Variants in PTK2 observed in about 807,000 individuals in gnomAD.
PTK2 encodes focal adhesion kinase 1.
In PTK2, 45 loss-of-function variants were observed where a neutral mutation model predicts 150.1. That is an observed-to-expected ratio of 0.30 (90% CI 0.24 to 0.38). PTK2 has a LOEUF of 0.38. Among genes scored for constraint, PTK2 ranks in the 10% least tolerant of loss-of-function variants. The pLI is 1.00. For missense variants in PTK2, 919 were observed against 1,307.3 expected (o/e 0.70, Z 4.58); for synonymous variants, 432 against 449.2 (o/e 0.96, Z 0.48).
At chr8:140,907,499 T>C (rs951649248) in intron 2 of PTK2, among the ~76,000 whole-genome samples, 12 of 152,176 alleles carry the variant, frequency 7.9e-5, no homozygotes, top group Admixed American at 3.3e-4. Context: ...TAGCCCTGTA[T>C]AATTTGCCTT....
At chr8:140,665,556 G>C (rs1173132459) in intron 30 of PTK2, among the ~76,000 whole-genome samples, 1 of 151,954 alleles carries the variant, frequency 6.6e-6, no homozygotes, top group Non-Finnish European at 1.5e-5. Flanking sequence ...TGCCACTTCC[G>C]AGTTGCAGCA....
chr8:140,675,335 T>C (rs2100013012), intron 28 of PTK2, 125 bp downstream of exon 31: 2 of 993,000 alleles, frequency 2.0e-6, no homozygotes, highest in African/African-American at 1.6e-5. Flanking sequence ...ACATCGTACT[T>C]GCTGTGGTCT....
At chr8:140,747,244 C>T (rs2100059525) in intron 17 of PTK2, 1 of 185,946 alleles carries the variant, frequency 5.4e-6, no homozygotes, top group Non-Finnish European at 1.1e-5. Flanking sequence ...TCAATTAAGA[C>T]ATAAGGCTGG....
intron 1 of PTK2, among the ~76,000 whole-genome samples, chr8:140,929,499 T>C (rs977592909): frequency 6.6e-6 from 1 of 152,148 alleles, no homozygotes; most frequent in African/African-American, 2.4e-5. Context: ...GTGTGTGTGT[T>C]TTAAAATGTG....
intron 2 of PTK2, among the ~76,000 whole-genome samples, chr8:140,902,532 CACACT>C (rs1307646065): frequency 2.6e-5 from 4 of 152,142 alleles, no homozygotes; most frequent in Non-Finnish European, 4.4e-5. Context: ...GAGGAATTGC[CACACT>C]GTCTTCCACA....
intron 31 of PTK2, among the ~76,000 whole-genome samples, chr8:140,660,910 T>C (rs2078821492): frequency 6.6e-6 from 1 of 152,232 alleles, no homozygotes; most frequent in African/African-American, 2.4e-5. Flanking sequence ...GCACCTATTA[T>C]GTACGAGACA....
intron 5 of PTK2, among the ~76,000 whole-genome samples, chr8:140,858,418 C>A (rs2100134075): frequency 1.5e-5 from 2 of 137,342 alleles, no homozygotes; most frequent in African/African-American, 5.5e-5. Flanking sequence ...ACAGATCAAG[C>A]AAGGGCAGAA....
intron 8 of PTK2, 149 bp from the exon 9 acceptor site, chr8:140,819,169 A>G (rs2154601805): frequency 1.2e-6 from 1 of 801,854 alleles, no homozygotes; most frequent in East Asian, 2.9e-5. Context: ...ATAACTATAA[A>G]TGTATTTATC....
At chr8:140,887,400 A>G (rs561091334) in intron 3 of PTK2, among the ~76,000 whole-genome samples, 4 of 152,352 alleles carry the variant, frequency 2.6e-5, no homozygotes, top group African/African-American at 9.6e-5. Flanking sequence ...TTTTGCCTAT[A>G]AACTGTGAAA....
At chr8:140,702,444 C>T in intron 25 of PTK2, 126 bp downstream of exon 28, 2 of 1,254,640 alleles carry the variant, frequency 1.6e-6, no homozygotes, top group Non-Finnish European at 2.2e-6. Context: ...GTTTCAAACT[C>T]TGGGGCTCAA....
upstream of PTK2, chr8:141,001,995 C>T (rs892370020): frequency 3.3e-5 from 5 of 152,204 alleles, no homozygotes; most frequent in Non-Finnish European, 7.3e-5. Flanking sequence ...CCCTGCAATC[C>T]CTCCCGAGGG....
At chr8:140,998,791 C>T (rs1413233672) in intron 1 of PTK2, among the ~76,000 whole-genome samples, 1 of 150,174 alleles carries the variant, frequency 6.7e-6, no homozygotes, top group Non-Finnish European at 1.5e-5. Context: ...TGCACTCCAG[C>T]CTGGGCCACA....
intron 1 of PTK2, among the ~76,000 whole-genome samples, chr8:140,956,824 G>C (rs1417429843): frequency 6.6e-6 from 1 of 152,186 alleles, no homozygotes; most frequent in Non-Finnish European, 1.5e-5. Context: ...CAGCACTTTG[G>C]GAGGCTGTGG....
intron 7 of PTK2, among the ~76,000 whole-genome samples, chr8:140,843,576 A>G (rs886610787): frequency 6.6e-6 from 1 of 152,130 alleles, no homozygotes; most frequent in Non-Finnish European, 1.5e-5. Context: ...CTCTCTCTGT[A>G]ACTCAGCCAG....
intron 1 of PTK2, among the ~76,000 whole-genome samples, chr8:140,963,729 C>A (rs187166543): frequency 7.4e-4 from 113 of 152,242 alleles, no homozygotes; most frequent in Non-Finnish European, 1.0e-3. Context: ...AACTGTGTTC[C>A]CTATTCTGCT....
chr8:140,914,408 C>T (rs931540349), intron 2 of PTK2, among the ~76,000 whole-genome samples: 1 of 132,420 alleles, frequency 7.6e-6, no homozygotes, highest in African/African-American at 2.6e-5. Context: ...CCTTAAAGAA[C>T]CAAGTTTTGG....
chr8:140,676,380 A>T (rs1273062152), intron 27 of PTK2, among the ~76,000 whole-genome samples: 1 of 131,516 alleles, frequency 7.6e-6, no homozygotes, highest in Non-Finnish European at 1.6e-5. Flanking sequence ...TGTCTCAAAA[A>T]AATTAATTAA....
At chr8:140,931,189 TCA>T (rs2100171623) in intron 1 of PTK2, among the ~76,000 whole-genome samples, 1 of 152,102 alleles carries the variant, frequency 6.6e-6, no homozygotes, top group African/African-American at 2.4e-5. Context: ...TTTCTTTCCA[TCA>T]CATTCTCTCT....
At chr8:140,836,491 T>C in intron 7 of PTK2, among the ~76,000 whole-genome samples, 1 of 152,220 alleles carries the variant, frequency 6.6e-6, no homozygotes, top group East Asian at 1.9e-4. Flanking sequence ...GAAACACTGA[T>C]TGTCTATCAC....
Sources: gnomAD v4.1 joint callset for allele counts (sites outside exome capture counted in the v4.1 genomes callset) on GRCh38, gnomAD v4.1.1 for gene constraint, MANE v1.5 for transcripts, NCBI Gene and HGNC (gene_info 2026-07-23, HGNC 2026-07-21) for gene names.